Variants in UBE2H observed in about 807,000 individuals in gnomAD.
The protein encoded by UBE2H is ubiquitin conjugating enzyme E2 H, also known as ubiquitin-conjugating enzyme E2 H.
In UBE2H, 3 loss-of-function variants were observed where a neutral mutation model predicts 29.0. The ratio of observed to expected loss-of-function variants is 0.10; its 90% CI spans 0.05 to 0.27. The LOEUF (loss-of-function observed/expected upper bound fraction) is 0.27, where lower values mean the gene tolerates loss of function less well. Among genes scored for constraint, UBE2H ranks in the 10% least tolerant of loss-of-function variants. The pLI is 1.00. For synonymous variants in UBE2H, 69 were observed against 82.9 expected (o/e 0.83, Z 0.91); for missense variants, 68 against 228.2 (o/e 0.30, Z 4.52).
chr7:129,936,804 GAAAAAA>G (rs1171897255), intron 1 of UBE2H, among the ~76,000 whole-genome samples: 1 of 78,014 alleles, frequency 1.3e-5, no homozygotes, highest in Non-Finnish European at 2.6e-5. Flanking sequence ...TCTCTACTAG[GAAAAAA>G]AAAAAAAAAA....
At chr7:129,915,742 G>A (rs562659186) in intron 1 of UBE2H, among the ~76,000 whole-genome samples, 2 of 152,074 alleles carry the variant, frequency 1.3e-5, no homozygotes, top group Admixed American at 6.6e-5. Flanking sequence ...AAAAGCAAAC[G>A]GGCTAAGTGG....
intron 1 of UBE2H, among the ~76,000 whole-genome samples, chr7:129,931,811 T>C (rs1329090224): frequency 2.6e-5 from 4 of 151,736 alleles, no homozygotes; most frequent in Non-Finnish European, 4.4e-5. Context: ...CATATTCTTA[T>C]ATTAAAATCC....
intron 1 of UBE2H, among the ~76,000 whole-genome samples, chr7:129,884,016 A>C (rs929213330): frequency 9.2e-5 from 14 of 152,158 alleles, no homozygotes; most frequent in Admixed American, 3.9e-4. Flanking sequence ...GAAACGCTTG[A>C]ACCCAGGAGG....
intron 1 of UBE2H, among the ~76,000 whole-genome samples, chr7:129,926,067 A>G (rs560964676): frequency 2.0e-5 from 3 of 152,368 alleles, no homozygotes; most frequent in African/African-American, 7.2e-5. Flanking sequence ...GAGGAAACCA[A>G]GGCAAAGAGA....
Position 129,834,687 on chromosome 7 carries a change from A to T in UBE2H, c.*250T>A. The T allele has an allele frequency of 2.8e-6, 1 of 360,004 alleles. No homozygotes were observed. The highest frequency in any genetic ancestry group is 5.0e-6 in the Non-Finnish European group (1 of 200,718). 22.3% of individuals were successfully genotyped at this position (360,004 alleles called of 1,614,324 possible). A position where few individuals can be genotyped will look rare whatever the true frequency, so the allele number is the denominator to read the frequency against. ...CAGGCTGACTTGGCCACATGGACTC[A>T]TGAATGCATGCATTCAGACCGCATA... is the stretch of plus-strand genomic sequence containing the variant. On this transcript the variant is annotated 3_prime_UTR_variant, in exon 7 of 7. Transcript: ENST00000355621.
At chr7:129,868,108 C>A (rs1805950501) in intron 3 of UBE2H, among the ~76,000 whole-genome samples, 1 of 152,114 alleles carries the variant, frequency 6.6e-6, no homozygotes, top group Non-Finnish European at 1.5e-5. Flanking sequence ...TTCATTATGA[C>A]ACCAAATCCT....
At chr7:129,871,390 A>T (rs1806026378) in intron 3 of UBE2H, among the ~76,000 whole-genome samples, 1 of 152,234 alleles carries the variant, frequency 6.6e-6, no homozygotes, top group African/African-American at 2.4e-5. Context: ...TACTTACTAG[A>T]ACCTTGTTTC....
intron 5 of UBE2H, among the ~76,000 whole-genome samples, chr7:129,855,395 T>G (rs900433890): frequency 1.3e-5 from 2 of 152,244 alleles, no homozygotes; most frequent in African/African-American, 4.8e-5. Flanking sequence ...ACATCAGATA[T>G]TCCAGGCAGC....
intron 1 of UBE2H, among the ~76,000 whole-genome samples, chr7:129,883,267 T>A (rs936291867): frequency 4.6e-5 from 7 of 152,222 alleles, no homozygotes; most frequent in Non-Finnish European, 7.3e-5. Flanking sequence ...GTTATTTTTT[T>A]AAAAATAGAC....
intron 1 of UBE2H, among the ~76,000 whole-genome samples, chr7:129,924,930 G>A (rs1278500328): frequency 2.0e-5 from 3 of 151,804 alleles, no homozygotes; most frequent in Admixed American, 1.3e-4. Flanking sequence ...TAAAGGTTGA[G>A]GGTACAAGCT....
chr7:129,861,053 C>T (rs1313290193), intron 3 of UBE2H, among the ~76,000 whole-genome samples: 2 of 151,996 alleles, frequency 1.3e-5, no homozygotes, highest in Non-Finnish European at 2.9e-5. Flanking sequence ...GAAACCCTGT[C>T]TCTAGTAAAA....
At chr7:129,941,655 G>A (rs1032239273) in intron 1 of UBE2H, among the ~76,000 whole-genome samples, 1 of 151,904 alleles carries the variant, frequency 6.6e-6, no homozygotes, top group Non-Finnish European at 1.5e-5. Context: ...CATAATGATG[G>A]CTTGCTGCAC....
chr7:129,839,721 T>G (rs75406633), intron 5 of UBE2H: 18,273 of 253,916 alleles, frequency 0.072, 1,032 homozygotes, highest in East Asian at 0.25. Context: ...TTGTTTGTTT[T>G]TTTTTTTGAG....
intron 1 of UBE2H, among the ~76,000 whole-genome samples, chr7:129,931,079 G>A (rs766487724): frequency 3.3e-5 from 5 of 151,086 alleles, no homozygotes; most frequent in South Asian, 2.1e-4. Flanking sequence ...TTAGCTGGGC[G>A]TGGTGGTGCA....
At chr7:129,904,403 A>G (rs1028528382) in intron 1 of UBE2H, among the ~76,000 whole-genome samples, 2 of 152,060 alleles carry the variant, frequency 1.3e-5, no homozygotes, top group African/African-American at 4.8e-5. Flanking sequence ...TAACAGTGTG[A>G]GCCACTGCAC....
At chr7:129,850,025 G>T (rs1425426794) in intron 5 of UBE2H, among the ~76,000 whole-genome samples, 2 of 152,126 alleles carry the variant, frequency 1.3e-5, no homozygotes, top group African/African-American at 2.4e-5. Context: ...CCTCCGAAAA[G>T]AAGTGGGATG....
At chr7:129,843,451 C>G (rs537614958) in intron 5 of UBE2H, among the ~76,000 whole-genome samples, 1 of 152,258 alleles carries the variant, frequency 6.6e-6, no homozygotes, top group East Asian at 1.9e-4. Flanking sequence ...TTGAGGCACA[C>G]AGAGCTTAAG....
chr7:129,930,846 T>A lies in UBE2H; in HGVS notation c.53+21657A>T, dbSNP rs1446680131. Among the ~76,000 whole-genome samples, 5 of 135,236 alleles carry A rather than the reference T, an allele frequency of 3.7e-5. No individual in the cohort carries two copies. In the East Asian group the frequency reaches 1.1e-3, roughly 30 times the overall value. The allele number at this position is 135,236 out of a possible 152,430, so 88.7% of individuals were successfully genotyped here. ...TTGCTTAAAGCCAGGAGGCAGGGGTTGCAGTGAGCCGAGATCGCCCCACTG... is the reference window on the plus strand; with the variant it reads ...TTGCTTAAAGCCAGGAGGCAGGGGTAGCAGTGAGCCGAGATCGCCCCACTG... On this transcript the variant is annotated intron_variant, in intron 1 of 6. Coordinates refer to ENST00000355621, the MANE Select transcript of UBE2H (RefSeq NM_003344.4).
intron 5 of UBE2H, among the ~76,000 whole-genome samples, chr7:129,851,283 G>A (rs1343742963): frequency 2.0e-5 from 3 of 152,132 alleles, no homozygotes; most frequent in African/African-American, 2.4e-5. Flanking sequence ...ATTCATCCTC[G>A]TTCAAACCTT....
Sources: gnomAD v4.1 joint callset for allele counts (sites outside exome capture counted in the v4.1 genomes callset) on GRCh38, gnomAD v4.1.1 for gene constraint, MANE v1.5 for transcripts, NCBI Gene and HGNC (gene_info 2026-07-23, HGNC 2026-07-21) for gene names.